Variants in SEMA3E observed in about 807,000 individuals in gnomAD.
SEMA3E encodes the protein semaphorin 3E, also known as semaphorin-3E.
SEMA3E carries 49 observed loss-of-function variants against 93.6 expected under a neutral mutation model. The observed-to-expected ratio is 0.52, with a 90% CI of 0.42 to 0.66. The LOEUF (loss-of-function observed/expected upper bound fraction) is 0.66. SEMA3E is among the 30% of genes least tolerant of loss of function. SEMA3E has a pLI of 0.00. For synonymous variants in SEMA3E, 363 were observed against 330.7 expected (o/e 1.10, Z -1.06); for missense variants, 906 against 964.8 (o/e 0.94, Z 0.81).
chr7:83,499,087 T>C (rs1462739013), intron 1 of SEMA3E, among the ~76,000 whole-genome samples: 1 of 152,198 alleles, frequency 6.6e-6, no homozygotes, highest in Non-Finnish European at 1.5e-5. Context: ...GTATCAAAAC[T>C]TAGAGAGGTT....
At chr7:83,619,278 A>G (rs1192368193) in intron 1 of SEMA3E, among the ~76,000 whole-genome samples, 1 of 151,870 alleles carries the variant, frequency 6.6e-6, no homozygotes, top group Non-Finnish European at 1.5e-5. Flanking sequence ...TAGCCAAGAA[A>G]TTGAAATAAA....
chr7:83,642,454 C>G (rs909466064), intron 1 of SEMA3E, among the ~76,000 whole-genome samples: 2 of 152,078 alleles, frequency 1.3e-5, no homozygotes, highest in Non-Finnish European at 2.9e-5. Flanking sequence ...CTCTTAATAT[C>G]AGAGACTGCA....
chr7:83,372,143 T>C (rs927157057), intron 16 of SEMA3E: 4 of 395,888 alleles, frequency 1.0e-5, no homozygotes, highest in Admixed American at 4.4e-5. Context: ...GGTATATCCA[T>C]ACAGACATAT....
intron 1 of SEMA3E, among the ~76,000 whole-genome samples, chr7:83,507,855 G>A (rs562556818): frequency 6.6e-6 from 1 of 152,146 alleles, no homozygotes; most frequent in African/African-American, 2.4e-5. Context: ...GGAGGCTGAG[G>A]TGGGAGGATA....
intron 1 of SEMA3E, among the ~76,000 whole-genome samples, chr7:83,593,528 C>T (rs1792805310): frequency 6.6e-6 from 1 of 151,764 alleles, no homozygotes; most frequent in Non-Finnish European, 1.5e-5. Context: ...TACTTAGTAC[C>T]TGTGAGTAGA....
At chr7:83,408,622 G>T in intron 5 of SEMA3E, 135 bp from the exon 6 acceptor site, 1 of 1,029,114 alleles carries the variant, frequency 9.7e-7, no homozygotes, top group Non-Finnish European at 1.4e-6. Context: ...GAGCATGGAT[G>T]GTATAGTAAG....
intron 9 of SEMA3E, among the ~76,000 whole-genome samples, chr7:83,403,089 T>C (rs1788261764): frequency 6.6e-6 from 1 of 152,126 alleles, no homozygotes; most frequent in Admixed American, 6.6e-5. Context: ...CTGGCCTTCA[T>C]ATTAACAAAG....
intron 1 of SEMA3E, among the ~76,000 whole-genome samples, chr7:83,583,868 G>A (rs215301): frequency 0.52 from 79,713 of 151,892 alleles, 21,479 homozygotes; most frequent in Middle Eastern, 0.68. Context: ...TGCCACAGCC[G>A]ACCTGTGACT....
intron 1 of SEMA3E, among the ~76,000 whole-genome samples, chr7:83,566,583 C>A (rs6952990): frequency 5.3e-4 from 80 of 152,276 alleles, no homozygotes; most frequent in African/African-American, 1.8e-3. Flanking sequence ...CCAAAACAAT[C>A]TCATGCCATG....
At position 83,510,106 on chromosome 7, in the gene SEMA3E, G is replaced by C. The variant is rs538432089; in HGVS notation, c.116-19832C>G. 2.6e-5 allele frequency among the ~76,000 whole-genome samples: 4 copies of C among 151,886 alleles called. No homozygotes were observed. The South Asian group carries it at 8.3e-4, about 31-fold the overall frequency. On this transcript the variant is annotated intron_variant, in intron 1 of 16. Coordinates refer to ENST00000643230, the MANE Select transcript of SEMA3E (RefSeq NM_012431.3). ...TAAAAATGTTGATCCTCACATTCTT[G>C]AGTATTATTGTCTGTTTTTTGGAAT...
intron 1 of SEMA3E, among the ~76,000 whole-genome samples, chr7:83,493,091 G>A (rs917245985): frequency 2.6e-5 from 4 of 151,770 alleles, no homozygotes; most frequent in Admixed American, 6.6e-5. Context: ...TTAATTATTT[G>A]ACTAAATTGC....
At chr7:83,471,467 G>A (rs763605404) in intron 2 of SEMA3E, among the ~76,000 whole-genome samples, 4 of 151,996 alleles carry the variant, frequency 2.6e-5, no homozygotes, top group Non-Finnish European at 4.4e-5. Context: ...TCTCCCTAAT[G>A]ATTGGCAGGT....
At chr7:83,465,362 C>G (rs1188352341) in intron 4 of SEMA3E, among the ~76,000 whole-genome samples, 1 of 152,158 alleles carries the variant, frequency 6.6e-6, no homozygotes, top group Non-Finnish European at 1.5e-5. Context: ...GTTTGGTGGT[C>G]TCTTCACACG....
rs1392183220 is a variant in SEMA3E, at chr7:83,469,607, T to A, written c.277-305A>T. On this transcript the variant is annotated intron_variant, in intron 2 of 16. Coordinates refer to ENST00000643230, the MANE Select transcript of SEMA3E (RefSeq NM_012431.3). ...AGCCCTTTCCCATGTTAAACCTGAG[T>A]GGTGCTCCAACTCAGGCACCTCCTG... is the stretch of plus-strand genomic sequence containing the variant. Among the ~76,000 whole-genome samples, 3 of 152,090 alleles carry A rather than the reference T, an allele frequency of 2.0e-5. No individual in the cohort carries two copies. In the East Asian group the frequency reaches 5.8e-4, roughly 29 times the overall value.
chr7:83,573,593 A>G (rs1219221580), intron 1 of SEMA3E, among the ~76,000 whole-genome samples: 1 of 152,074 alleles, frequency 6.6e-6, no homozygotes, highest in Admixed American at 6.5e-5. Context: ...TTATTGAAGC[A>G]TAAATAATAA....
chr7:83,459,807 A>C (rs1397353993), intron 4 of SEMA3E, among the ~76,000 whole-genome samples: 3 of 152,146 alleles, frequency 2.0e-5, no homozygotes. Context: ...ATTCCACCAC[A>C]AAAGAAGTGT....
chr7:83,548,690 A>C (rs1018234649), intron 1 of SEMA3E, among the ~76,000 whole-genome samples: 1 of 152,074 alleles, frequency 6.6e-6, no homozygotes, highest in Non-Finnish European at 1.5e-5. Context: ...AAACTTGAGC[A>C]CTGAGATTCT....
At chr7:83,511,261 C>T (rs990041316) in intron 1 of SEMA3E, among the ~76,000 whole-genome samples, 2 of 148,924 alleles carry the variant, frequency 1.3e-5, no homozygotes, top group Non-Finnish European at 3.0e-5. Context: ...AAATGAATGC[C>T]TTCTTTGGGT....
At chr7:83,455,632 T>C (rs1415656851) in intron 4 of SEMA3E, among the ~76,000 whole-genome samples, 2 of 152,200 alleles carry the variant, frequency 1.3e-5, no homozygotes, top group South Asian at 2.1e-4. Context: ...AATCACTCCT[T>C]ATACTACTTT....
Sources: allele counts gnomAD v4.1 joint callset (sites outside exome capture counted in the v4.1 genomes callset), GRCh38; gene constraint gnomAD v4.1.1; transcripts MANE v1.5; gene names NCBI Gene and HGNC (gene_info 2026-07-23, HGNC 2026-07-21).